RTN2: variants seen among roughly 807,000 people sequenced by gnomAD.
RTN2 encodes reticulon-2.
RTN2 carries 36 observed loss-of-function variants against 63.7 expected under a neutral mutation model. The ratio of observed to expected loss-of-function variants is 0.56; its 90% CI spans 0.43 to 0.75. The LOEUF (loss-of-function observed/expected upper bound fraction) is 0.75, where lower values mean the gene tolerates loss of function less well. RTN2 is among the 30% of genes least tolerant of loss of function. The pLI is 0.00. For missense variants in RTN2, 673 were observed against 705.1 expected, an observed-to-expected ratio of 0.95 and a Z score of 0.52; for synonymous variants, 312 against 313.0, an observed-to-expected ratio of 1.00 and a Z score of 0.03.
At position 45,496,782 on chromosome 19, in the gene RTN2, C is replaced by T. The variant is rs1347818717; in HGVS notation, c.34+10G>A. The T allele has an allele frequency of 1.3e-6, 2 of 1,514,696 alleles. No individual in the cohort carries two copies. The highest frequency in any genetic ancestry group is 1.8e-6 in the Non-Finnish European group (2 of 1,125,824). 93.8% of individuals were successfully genotyped at this position (1,514,696 alleles called of 1,614,324 possible). A position where few individuals can be genotyped will look rare whatever the true frequency, so the allele number is the denominator to read the frequency against. ...GGGCCCACACCAGGCCCCAGTCTTC[C>T]TCTACTCACTGCAGTGGGCGAAGAC... On this transcript the variant is annotated intron_variant, in intron 1 of 10. Transcript: ENST00000245923.
At chr19:45,489,048 C>G (rs2122210828) in intron 6 of RTN2, 62 bp from the exon 7 acceptor site, 3 of 1,563,478 alleles carry the variant, frequency 1.9e-6, no homozygotes, top group Non-Finnish European at 2.6e-6. Context: ...GGTGCAGGGG[C>G]AGCTGAAACA....
intron 6 of RTN2, 173 bp downstream of exon 6, chr19:45,489,173 G>T: frequency 1.2e-6 from 1 of 868,906 alleles, no homozygotes; most frequent in Non-Finnish European, 1.8e-6. Context: ...GATCGAGGAT[G>T]AAGGGTACCA....
In RTN2 at chr19:45,493,222, G is replaced by A; in HGVS notation, c.971C>T (p.Ala324Val). The change falls in exon 5 of 11, where the codon GCA becomes GTA. Residue 324 changes from alanine to valine, a missense_variant. Transcript: ENST00000245923. ...TPVLRVLLKW[A>V]KSPRSSGVPS... ...GACACCGCTGCTTCTCGGGGATTTT[G>A]CCCACTTCAGTAGAACCCGGAGGAC... The A allele has an allele frequency of 6.2e-7, 1 of 1,613,658 alleles. No individual in the cohort carries two copies. Among genetic ancestry groups the A allele is most frequent in the Non-Finnish European group, 8.5e-7 (1 of 1,179,992 alleles).
At chr19:45,486,757 C>T (rs1461153939) in intron 9 of RTN2, among the ~76,000 whole-genome samples, 24 of 126,376 alleles carry the variant, frequency 1.9e-4, no homozygotes, top group Admixed American at 1.8e-3. Flanking sequence ...TTTCCTGAGA[C>T]GGAGTCTTGT....
intron 5 of RTN2, among the ~76,000 whole-genome samples, chr19:45,492,755 C>T (rs1022903964): frequency 5.3e-5 from 8 of 152,228 alleles, no homozygotes; most frequent in African/African-American, 1.9e-4. Flanking sequence ...CCCTCCCTCC[C>T]CATAGCAGGG....
rs186021804 is a variant in RTN2, at chr19:45,487,991, G to A, written c.1497+480C>T. On this transcript the variant is annotated intron_variant, in intron 9 of 10. Coordinates refer to ENST00000245923, the MANE Select transcript of RTN2 (RefSeq NM_005619.5). Reference sequence around the variant, plus strand: ...GCAAAGGCTAGGCACAGTGGCTCACGCCTGTAATCCCAGCACTTTGGGAGG... The same window carrying A: ...GCAAAGGCTAGGCACAGTGGCTCACACCTGTAATCCCAGCACTTTGGGAGG... Among the ~76,000 whole-genome samples the A allele has an allele frequency of 3.6e-4, 50 of 138,700 alleles. 1 individual carries two copies. Among genetic ancestry groups the A allele is most frequent in the Middle Eastern group, 0.011 (2 of 176 alleles). The allele number at this position is 138,700 out of a possible 152,430, so 91.0% of individuals were successfully genotyped here. A position where few individuals can be genotyped will look rare whatever the true frequency, so the allele number is the denominator to read the frequency against.
At chr19:45,487,583 G>GTT (rs4031036) in intron 9 of RTN2, among the ~76,000 whole-genome samples, 14,039 of 105,642 alleles carry the variant, frequency 0.13, 1,384 homozygotes, top group Non-Finnish European at 0.16. Flanking sequence ...TTATTTTTTG[G>GTT]TTTTTTTTTT....
intron 5 of RTN2, among the ~76,000 whole-genome samples, chr19:45,491,576 A>G (rs1434282969): frequency 3.5e-5 from 5 of 143,072 alleles, no homozygotes; most frequent in Admixed American, 6.9e-5. Context: ...CTGTTGCCCA[A>G]GCTGGAGTGC....
intron 1 of RTN2, chr19:45,496,473 C>T: frequency 3.5e-6 from 1 of 284,828 alleles, no homozygotes. Flanking sequence ...CCGCCAGCTG[C>T]GGCCAGCACC....
intron 9 of RTN2, among the ~76,000 whole-genome samples, chr19:45,488,122 C>T (rs1290557125): frequency 6.6e-6 from 1 of 151,872 alleles, no homozygotes; most frequent in African/African-American, 2.4e-5. Flanking sequence ...GCACGGTGGC[C>T]ATATGCCTGT....
chr19:45,494,281 C>G lies in RTN2; in HGVS notation c.699G>C (p.Glu233Asp), dbSNP rs752004624. The G allele has an allele frequency of 1.2e-6, 2 of 1,613,994 alleles. No individual in the cohort carries two copies. Among genetic ancestry groups the G allele is most frequent in the Admixed American group, 1.7e-5 (1 of 60,014 alleles). The change falls in exon 4 of 11, where the codon GAG becomes GAC. Residue 233 changes from glutamate (E) to aspartate (D), a missense_variant. Coordinates refer to ENST00000245923, the MANE Select transcript of RTN2 (RefSeq NM_005619.5). The surrounding 1 kb of genome is among the most constrained non-coding windows in gnomAD (Gnocchi z 5.3). Reference sequence around the variant, plus strand: ...GCTTTTCTTCCTCTTCCAGCAATGGCTCTTCGGGCCCAGAGTTCGAATCTC... The same window carrying G: ...GCTTTTCTTCCTCTTCCAGCAATGGGTCTTCGGGCCCAGAGTTCGAATCTC... ...RSRDSNSGPE[E>D]PLLEEEEKQW... is the part of the protein sequence containing the mutation.
chr19:45,488,787 AC>A, intron 7 of RTN2, 60 bp downstream of exon 7: 1 of 1,592,838 alleles, frequency 6.3e-7, no homozygotes, highest in Non-Finnish European at 8.5e-7. Context: ...TCGCCCTCCC[AC>A]CCCCTAGCCA....
chr19:45,485,970 G>T, intron 10 of RTN2, 85 bp downstream of exon 10: 2 of 1,398,896 alleles, frequency 1.4e-6, no homozygotes, highest in Non-Finnish European at 2.0e-6. Context: ...TACCCCAGGA[G>T]ATTTGCGGAC....
Position 45,496,981 on chromosome 19 carries a change from G to A in RTN2, c.-156C>T. 3.0e-6 allele frequency: 1 copy of A among 334,202 alleles called. No individual in the cohort carries two copies. Among genetic ancestry groups the A allele is most frequent in the Non-Finnish European group, 5.1e-6 (1 of 195,290 alleles). 20.7% of individuals were successfully genotyped at this position (334,202 alleles called of 1,614,324 possible). A position where few individuals can be genotyped will look rare whatever the true frequency, so the allele number is the denominator to read the frequency against. On this transcript the variant is annotated 5_prime_UTR_variant, in exon 1 of 11. Transcript: ENST00000245923. ...TGCTCCAGCCGCCGCCGCCGCCGCC[G>A]CCGCCGCCGCCGCCCTGGTGCTCGG...
rs1968082414 is a variant in RTN2 at position 45,488,704 on chromosome 19, C to T, written c.1383G>A (p.Leu461=). The T allele has an allele frequency of 5.6e-6, 9 of 1,613,570 alleles. No homozygotes were observed. Among genetic ancestry groups the T allele is most frequent in the Non-Finnish European group, 6.8e-6 (8 of 1,179,790 alleles). The part of the protein sequence containing the change: ...LVEDLVDSLK[L]ALLFYILTFV... ...AGGTCAAGATGTAGAAGAGGAGGGC[C>T]AGCTGGGGGTGAAGGTCAGGGTCAG... The change falls in exon 8 of 11, where the codon CTG becomes CTA. Residue 461 remains leucine, a splice_region_variant and synonymous_variant. Transcript: ENST00000245923.
At chr19:45,489,894 C>G (rs1214618942) in intron 5 of RTN2, among the ~76,000 whole-genome samples, 4 of 151,934 alleles carry the variant, frequency 2.6e-5, no homozygotes, top group African/African-American at 4.8e-5. Flanking sequence ...ACTGTGTTGC[C>G]CAGGCTAGTC....
chr19:45,493,084 T>C (rs1359221538), intron 5 of RTN2, 76 bp downstream of exon 5: 1 of 1,324,680 alleles, frequency 7.5e-7, no homozygotes, highest in Admixed American at 1.8e-5. Context: ...ATGCTCCGGA[T>C]GTGCAGGAGA....
intron 5 of RTN2, 113 bp from the exon 6 acceptor site, chr19:45,489,666 A>T: frequency 1.5e-6 from 1 of 649,254 alleles, no homozygotes; most frequent in Non-Finnish European, 2.5e-6. Context: ...TTTGAGCATA[A>T]CCTGATTTCC....
intron 9 of RTN2, among the ~76,000 whole-genome samples, 154 bp from the exon 10 acceptor site, chr19:45,486,267 G>A (rs1195537960): frequency 1.3e-5 from 2 of 152,186 alleles, no homozygotes; most frequent in Admixed American, 1.3e-4. Flanking sequence ...GAATACATTA[G>A]ATGCCAGAGA....
Sources: allele counts gnomAD v4.1 joint callset (sites outside exome capture counted in the v4.1 genomes callset), GRCh38; gene constraint gnomAD v4.1.1; non-coding constraint Gnocchi (gnomAD v3.1); transcripts MANE v1.5; gene names NCBI Gene and HGNC (gene_info 2026-07-23, HGNC 2026-07-21).